The following CBL variants were observed in gnomAD, a reference collection of about 807,000 sequenced individuals.
The protein encoded by CBL is Cbl proto-oncogene.
A neutral mutation model predicts 96.9 loss-of-function variants in CBL; 45 were observed. The observed-to-expected ratio is 0.46, with a 90% CI of 0.37 to 0.60. The LOEUF is 0.60. CBL is among the 20% of genes least tolerant of loss of function. The pLI, the probability that CBL is intolerant of heterozygous loss-of-function variation, is 0.00. For synonymous variants in CBL, 420 were observed against 426.8 expected (o/e 0.98, Z 0.20); for missense variants, 1,024 against 1,143.5 (o/e 0.90, Z 1.51).
At chr11:119,229,272 G>A (rs61899995) in intron 1 of CBL, among the ~76,000 whole-genome samples, 2 of 152,136 alleles carry the variant, frequency 1.3e-5, no homozygotes, top group Non-Finnish European at 2.9e-5. Flanking sequence ...TTATTAATAT[G>A]AGTTATTAAC....
At chr11:119,220,705 A>T (rs552153535) in intron 1 of CBL, among the ~76,000 whole-genome samples, 13 of 152,338 alleles carry the variant, frequency 8.5e-5, no homozygotes, top group African/African-American at 3.1e-4. Flanking sequence ...AGGTGAAAGT[A>T]ATGAGATTGG....
At chr11:119,215,147 A>G (rs549247856) in intron 1 of CBL, among the ~76,000 whole-genome samples, 31 of 152,042 alleles carry the variant, frequency 2.0e-4, no homozygotes, top group Non-Finnish European at 4.0e-4. Context: ...TAGACCAGGG[A>G]AGAAGATTGT....
At chr11:119,216,269 A>G (rs951510945) in intron 1 of CBL, among the ~76,000 whole-genome samples, 2 of 152,178 alleles carry the variant, frequency 1.3e-5, no homozygotes, top group Non-Finnish European at 2.9e-5. Context: ...AATGAGGCCA[A>G]TTCATTGGTG....
intron 1 of CBL, among the ~76,000 whole-genome samples, chr11:119,206,893 CTG>C (rs1202453831): frequency 6.6e-6 from 1 of 151,696 alleles, no homozygotes; most frequent in Non-Finnish European, 1.5e-5. Flanking sequence ...CGAAGGTTAA[CTG>C]GGAAGTCAGT....
At chr11:119,219,533 G>T (rs1949391329) in intron 1 of CBL, among the ~76,000 whole-genome samples, 1 of 152,070 alleles carries the variant, frequency 6.6e-6, no homozygotes, top group African/African-American at 2.4e-5. Context: ...GTGCAATTGG[G>T]TTTGGTATTA....
At chr11:119,267,828 AT>A (rs1200257642) in intron 2 of CBL, among the ~76,000 whole-genome samples, 1 of 152,230 alleles carries the variant, frequency 6.6e-6, no homozygotes, top group Non-Finnish European at 1.5e-5. Context: ...TCAGAAATAG[AT>A]TTAGCCATTG....
intron 2 of CBL, among the ~76,000 whole-genome samples, chr11:119,253,176 C>T (rs987209645): frequency 5.3e-5 from 8 of 152,072 alleles, no homozygotes; most frequent in South Asian, 2.1e-4. Context: ...AAAGTATAAA[C>T]GTTATCAAAA....
At chr11:119,281,235 A>G (rs1949931043) in intron 9 of CBL, among the ~76,000 whole-genome samples, 1 of 152,062 alleles carries the variant, frequency 6.6e-6, no homozygotes, top group Non-Finnish European at 1.5e-5. Context: ...CTGTTGGAGT[A>G]CCTTGGTTCC....
chr11:119,220,904 C>CTT (rs141599031), intron 1 of CBL, among the ~76,000 whole-genome samples: 4 of 149,232 alleles, frequency 2.7e-5, no homozygotes, highest in African/African-American at 9.8e-5. Context: ...AGTGATGACA[C>CTT]TTTTTTTTTT....
In CBL at chr11:119,278,298, G is replaced by A. The variant is rs2135303925; in HGVS notation, c.1227+1G>A. ...CACATCCTGTCTTACATCCTGGCAGGTACGGATCTAAACAGCGACTTTTTT... is the reference window on the plus strand; with the variant it reads ...CACATCCTGTCTTACATCCTGGCAGATACGGATCTAAACAGCGACTTTTTT... On this transcript the variant is annotated splice_donor_variant, in intron 8 of 15. Coordinates refer to ENST00000264033, the MANE Select transcript of CBL (RefSeq NM_005188.4). LOFTEE classifies it high-confidence loss of function. 1 of 1,613,970 alleles carries A rather than the reference G, an allele frequency of 6.2e-7. No individual in the cohort carries two copies. Among genetic ancestry groups the A allele is most frequent in the Non-Finnish European group, 8.5e-7 (1 of 1,179,938 alleles).
Position 119,262,253 on chromosome 11 carries a change from A to G in CBL, c.444-9482A>G, listed in dbSNP as rs548087148. On this transcript the variant is annotated intron_variant, in intron 2 of 15. Transcript: ENST00000264033. Reference sequence around the variant, plus strand: ...CTCAGAACTGTCATGAAAAACAAGGAAAGACTAAGAAATGATTACAGACCA... The same window carrying G: ...CTCAGAACTGTCATGAAAAACAAGGGAAGACTAAGAAATGATTACAGACCA... 6.6e-5 allele frequency among the ~76,000 whole-genome samples: 10 copies of G among 152,330 alleles called. No individual in the cohort carries two copies. In the South Asian group the frequency reaches 2.1e-3, roughly 32 times the overall value.
At chr11:119,216,341 TTTA>T (rs1267586596) in intron 1 of CBL, among the ~76,000 whole-genome samples, 1 of 67,134 alleles carries the variant, frequency 1.5e-5, no homozygotes, top group Non-Finnish European at 2.9e-5. Context: ...CTTATTGTAA[TTTA>T]TTTATTTATT....
At chr11:119,273,812 T>A in intron 3 of CBL, 56 bp from the exon 4 acceptor site, 1 of 1,480,280 alleles carries the variant, frequency 6.8e-7, no homozygotes, top group Non-Finnish European at 9.4e-7. Flanking sequence ...ATTATGGCGA[T>A]GCCTGGAATT....
chr11:119,305,628 G>A lies in CBL; in HGVS notation c.*5847G>A, dbSNP rs775308394. ...AAGAATATATAATATTGGAGCAGTT[G>A]CCAGGATAGAAATTAAATATAGATT... On this transcript the variant is annotated 3_prime_UTR_variant, in exon 16 of 16. Transcript: ENST00000264033. 2.7e-5 allele frequency: 6 copies of A among 224,414 alleles called. No homozygotes were observed. The highest frequency in any genetic ancestry group is 1.1e-4 in the Admixed American group (2 of 17,464). 13.9% of individuals were successfully genotyped at this position (224,414 alleles called of 1,614,324 possible). A position where few individuals can be genotyped will look rare whatever the true frequency, so the allele number is the denominator to read the frequency against.
intron 2 of CBL, among the ~76,000 whole-genome samples, chr11:119,239,419 C>T (rs751678870): frequency 1.3e-5 from 2 of 152,128 alleles, no homozygotes; most frequent in Non-Finnish European, 2.9e-5. Context: ...TATATAGAAA[C>T]ATAGTTGACT....
At position 119,302,135 on chromosome 11, in the gene CBL, C is replaced by T. The variant is rs184956626; in HGVS notation, c.*2354C>T. ...TCTTTGAATCAGCGTGAAACTGAGG[C>T]TCCAGCTCCCTGTGTTGTGTGTGTG... On this transcript the variant is annotated 3_prime_UTR_variant, in exon 16 of 16. Transcript: ENST00000264033. 12 of 233,024 alleles carry T rather than the reference C, an allele frequency of 5.1e-5. No homozygotes were observed. Among genetic ancestry groups the T allele is most frequent in the African/African-American group, 1.8e-4 (8 of 45,442 alleles). 14.4% of individuals were successfully genotyped at this position (233,024 alleles called of 1,614,324 possible).
chr11:119,287,820 G>C (rs753335496), intron 11 of CBL, 32 bp from the exon 12 acceptor site: 14 of 1,368,788 alleles, frequency 1.0e-5, no homozygotes, highest in Non-Finnish European at 1.4e-5. Flanking sequence ...TGGTAAGAAA[G>C]TTGTTTTTCA....
At chr11:119,220,590 C>A (rs1402522691) in intron 1 of CBL, among the ~76,000 whole-genome samples, 3 of 152,060 alleles carry the variant, frequency 2.0e-5, no homozygotes, top group Non-Finnish European at 4.4e-5. Flanking sequence ...CAGAGTGAGA[C>A]CCTGTTTCAA....
In CBL at chr11:119,307,020, G is replaced by C. The variant is rs1011148100; in HGVS notation, c.*7239G>C. ...AGGCTGCATTTTAGGACTTAATATG[G>C]AAATACCAGAGTCTGAGCTCCTCTA... On this transcript the variant is annotated 3_prime_UTR_variant, in exon 16 of 16. Transcript: ENST00000264033. 4.4e-6 allele frequency: 1 copy of C among 228,524 alleles called. No homozygotes were observed. The highest frequency in any genetic ancestry group is 2.2e-5 in the African/African-American group (1 of 44,978). 14.2% of individuals were successfully genotyped at this position (228,524 alleles called of 1,614,324 possible).
Sources: allele counts gnomAD v4.1 joint callset (sites outside exome capture counted in the v4.1 genomes callset), GRCh38; gene constraint gnomAD v4.1.1; transcripts MANE v1.5; gene names NCBI Gene and HGNC (gene_info 2026-07-23, HGNC 2026-07-21).